The following HAP1 variants were observed in gnomAD, a reference collection of about 807,000 sequenced individuals.
The protein encoded by HAP1 is huntingtin-associated protein 1.
In HAP1, 59 loss-of-function variants were observed where a neutral mutation model predicts 60.3. That is an observed-to-expected ratio of 0.98 (90% CI 0.79 to 1.22). The LOEUF is 1.22. HAP1 is among the 50% of genes most tolerant of loss of function. The pLI, the probability that HAP1 is intolerant of heterozygous loss-of-function variation, is 0.00. For synonymous variants in HAP1, 346 were observed against 330.6 expected (o/e 1.05, Z -0.50); for missense variants, 825 against 785.3 (o/e 1.05, Z -0.60).
downstream of HAP1, among the ~76,000 whole-genome samples, chr17:41,719,100 T>C (rs11659045): frequency 0.76 from 115,633 of 151,838 alleles, 45,710 homozygotes; most frequent in Middle Eastern, 0.91. Context: ...TGCCTCAGCC[T>C]CTCAAGTAGC....
chr17:41,719,670 G>C (rs1291979513), downstream of HAP1, among the ~76,000 whole-genome samples: 2 of 144,380 alleles, frequency 1.4e-5, no homozygotes, highest in Non-Finnish European at 3.0e-5. Context: ...TCCAGCCTGG[G>C]AGACAGGGCG....
chr17:41,732,511 C>A, intron 2 of HAP1, 117 bp from the exon 3 acceptor site: 1 of 1,140,080 alleles, frequency 8.8e-7, no homozygotes, highest in Non-Finnish European at 1.3e-6. Flanking sequence ...GAACCTGGCT[C>A]AGTTTCCCCT....
At chr17:41,719,571 T>C (rs1911114572), downstream of HAP1, among the ~76,000 whole-genome samples, 1 of 151,966 alleles carries the variant, frequency 6.6e-6, no homozygotes, top group Non-Finnish European at 1.5e-5. Context: ...TATGCATCTG[T>C]AATCCCAGCT....
At chr17:41,720,611 T>G (rs1555586843), downstream of HAP1, among the ~76,000 whole-genome samples, 1 of 152,184 alleles carries the variant, frequency 6.6e-6, no homozygotes, top group African/African-American at 2.4e-5. Context: ...CTCAATTGCC[T>G]TCAGCTCAAA....
chr17:41,722,989 A>G lies in HAP1; in HGVS notation c.*1712T>C, dbSNP rs1658527916. Reference sequence around the variant, plus strand: ...ACACTTGTGGTTACAAACAGTAGGTAGGGACTGAGAAGAAAGGATGAAGAA... The same window carrying G: ...ACACTTGTGGTTACAAACAGTAGGTGGGGACTGAGAAGAAAGGATGAAGAA... On this transcript the variant is annotated 3_prime_UTR_variant, in exon 11 of 11. Transcript: ENST00000347901. The G allele has an allele frequency of 1.3e-5, 2 of 152,448 alleles. No homozygotes were observed. Among genetic ancestry groups the G allele is most frequent in the Non-Finnish European group, 2.9e-5 (2 of 68,202 alleles). 9.4% of individuals were successfully genotyped at this position (152,448 alleles called of 1,614,324 possible).
rs373266389 is a variant in HAP1, at chr17:41,734,318, C to A, written c.317G>T (p.Arg106Leu). 2 of 1,608,718 alleles carry A rather than the reference C, an allele frequency of 1.2e-6. No individual in the cohort carries two copies. The highest frequency in any genetic ancestry group is 1.7e-6 in the Non-Finnish European group (2 of 1,177,240). The change falls in exon 1 of 11, where the codon CGC becomes CTC. Residue 106 changes from arginine to leucine, a missense_variant. Arg to Leu is a moderately radical substitution (Grantham distance 102). Transcript: ENST00000347901. ...ACCAAACGGCCCTTGGAATACGAAG[C>A]GGGTCCACGGCGCGTCCGAATTGTC... is the stretch of plus-strand genomic sequence containing the variant. ...MPDNSDAPWTRFVFQGPFGSR... is the reference protein window; with the variant it reads ...MPDNSDAPWTLFVFQGPFGSR...
chr17:41,730,745 T>C (rs1555590621), intron 6 of HAP1, among the ~76,000 whole-genome samples: 1 of 152,170 alleles, frequency 6.6e-6, no homozygotes, highest in East Asian at 1.9e-4. Context: ...GCACAAACAC[T>C]GCTCCTCACT....
At position 41,723,942 on chromosome 17, in the gene HAP1, A is replaced by T. The variant is rs1911394404; in HGVS notation, c.*759T>A. The stretch of plus-strand genomic sequence containing the variant: ...TCTCTGAGCCTCACCCTCCTCACCT[A>T]ACCAATGGGGACACATCACCTGCCA... On this transcript the variant is annotated 3_prime_UTR_variant, in exon 11 of 11. Coordinates refer to ENST00000347901, the MANE Select transcript of HAP1 (RefSeq NM_177977.3). The T allele has an allele frequency of 6.6e-6, 1 of 152,318 alleles. No individual in the cohort carries two copies. Among genetic ancestry groups the T allele is most frequent in the Admixed American group, 6.5e-5 (1 of 15,274 alleles). 9.4% of individuals were successfully genotyped at this position (152,318 alleles called of 1,614,324 possible).
chr17:41,729,081 C>G (rs1042700046), intron 6 of HAP1, among the ~76,000 whole-genome samples: 1 of 151,916 alleles, frequency 6.6e-6, no homozygotes, highest in Non-Finnish European at 1.5e-5. Flanking sequence ...CTTGGGATTA[C>G]AGGCATGCGC....
chr17:41,733,368 T>TTTTTTTTC (rs1912417035), intron 1 of HAP1, among the ~76,000 whole-genome samples: 1 of 143,328 alleles, frequency 7.0e-6, no homozygotes, highest in East Asian at 2.1e-4. Context: ...TTTTTTTTTT[T>TTTTTTTTC]TTTTTTTTAC....
chr17:41,734,068 T>C (rs1198193462), intron 1 of HAP1, 98 bp downstream of exon 1: 1 of 937,776 alleles, frequency 1.1e-6, no homozygotes, highest in South Asian at 1.7e-5. Flanking sequence ...TGACACTGAG[T>C]GCTAGAGGGG....
In HAP1 at chr17:41,728,300, C is replaced by T. The variant is rs781864534; in HGVS notation, c.1101G>A (p.Ser367=). 4.3e-6 allele frequency: 7 copies of T among 1,613,608 alleles called. No individual in the cohort carries two copies. Among genetic ancestry groups the T allele is most frequent in the South Asian group, 2.2e-5 (2 of 91,080 alleles). Reference sequence around the variant, plus strand: ...TTTCCAGCCTGAGCACCAGCACCTCCGACAGCTCAGCCATCTGTTGGCTGG... The same window carrying T: ...TTTCCAGCCTGAGCACCAGCACCTCTGACAGCTCAGCCATCTGTTGGCTGG... The part of the protein sequence containing the change: ...SEASQQMAEL[S]EVLVLRLENY... The change falls in exon 7 of 11, where the codon TCG becomes TCA. Residue 367 remains serine, a synonymous_variant. Coordinates refer to ENST00000347901, the MANE Select transcript of HAP1 (RefSeq NM_177977.3).
downstream of HAP1, among the ~76,000 whole-genome samples, chr17:41,720,249 G>A (rs1435521602): frequency 1.3e-5 from 2 of 151,152 alleles, no homozygotes; most frequent in East Asian, 1.9e-4. Flanking sequence ...AGGCTGGAGT[G>A]CAATGGGGCA....
At chr17:41,732,205 T>C (rs1912267391) in intron 3 of HAP1, 25 bp downstream of exon 3, 1 of 1,613,010 alleles carries the variant, frequency 6.2e-7, no homozygotes, top group Non-Finnish European at 8.5e-7. Context: ...ATTGGCCCGC[T>C]ATCCTCTCCT....
chr17:41,734,500 G>T lies in HAP1; in HGVS notation c.135C>A (p.Gly45=), dbSNP rs1912555038. 2 of 1,611,892 alleles carry T rather than the reference G, an allele frequency of 1.2e-6. No individual in the cohort carries two copies. The highest frequency in any genetic ancestry group is 1.7e-6 in the Non-Finnish European group (2 of 1,179,472). The change falls in exon 1 of 11, where the codon GGC becomes GGA. Residue 45 remains glycine, a synonymous_variant. Transcript: ENST00000347901. The part of the protein sequence containing the change: ...PEPSAQPQAR[G]TGQRVGSRAT... The stretch of plus-strand genomic sequence containing the variant: ...CTCGGGATCCTACTCTCTGTCCAGT[G>T]CCCCGTGCCTGCGGCTGCGCAGAGG...
downstream of HAP1, among the ~76,000 whole-genome samples, chr17:41,719,538 C>A (rs1343808631): frequency 1.3e-5 from 2 of 151,930 alleles, no homozygotes; most frequent in African/African-American, 4.8e-5. Flanking sequence ...ACTAAAAATA[C>A]AAAAATTAGC....
At chr17:41,732,172 G>C (rs1912264141) in intron 3 of HAP1, 54 bp from the exon 4 acceptor site, 3 of 1,608,032 alleles carry the variant, frequency 1.9e-6, no homozygotes, top group Non-Finnish European at 2.6e-6. Context: ...ACAGGAGAGG[G>C]TCCTGGCATG....
chr17:41,719,393 T>C (rs1453634791), downstream of HAP1, among the ~76,000 whole-genome samples: 1 of 152,292 alleles, frequency 6.6e-6, no homozygotes, highest in Non-Finnish European at 1.5e-5. Flanking sequence ...AGAAATACCA[T>C]GTAAAAATTG....
At chr17:41,729,081 C>T (rs1042700046) in intron 6 of HAP1, among the ~76,000 whole-genome samples, 3 of 151,916 alleles carry the variant, frequency 2.0e-5, no homozygotes, top group Non-Finnish European at 2.9e-5. Context: ...CTTGGGATTA[C>T]AGGCATGCGC....
Sources: gnomAD v4.1 joint callset for allele counts (sites outside exome capture counted in the v4.1 genomes callset) on GRCh38, gnomAD v4.1.1 for gene constraint, MANE v1.5 for transcripts, NCBI Gene and HGNC (gene_info 2026-07-23, HGNC 2026-07-21) for gene names.